Variants in METTL24 observed in about 807,000 individuals in gnomAD.
The protein encoded by METTL24 is probable methyltransferase-like protein 24.
Under a neutral mutation model 32.7 loss-of-function variants are expected in METTL24, and 29 were observed. That is an observed-to-expected ratio of 0.89 (90% confidence interval 0.66 to 1.21). The LOEUF (loss-of-function observed/expected upper bound fraction) is 1.21. METTL24 is among the 50% of genes most tolerant of loss of function. METTL24 has a pLI of 0.00. For missense variants in METTL24, 439 were observed against 468.1 expected (o/e 0.94, Z 0.57); for synonymous variants, 163 against 179.5 (o/e 0.91, Z 0.73).
At chr6:110,314,823 TG>T (rs1771788377) in intron 3 of METTL24, among the ~76,000 whole-genome samples, 1 of 151,634 alleles carries the variant, frequency 6.6e-6, no homozygotes, top group African/African-American at 2.4e-5. Flanking sequence ...ATTAGCCGGG[TG>T]TGGTGGGTGC....
chr6:110,273,182 T>G (rs928586485), intron 4 of METTL24, among the ~76,000 whole-genome samples: 5 of 152,306 alleles, frequency 3.3e-5, no homozygotes, highest in African/African-American at 1.2e-4. Flanking sequence ...CTTCCACATG[T>G]GGCTTGCCAG....
chr6:110,274,679 A>C (rs1229979921), intron 4 of METTL24, among the ~76,000 whole-genome samples: 1 of 152,090 alleles, frequency 6.6e-6, no homozygotes, highest in East Asian at 1.9e-4. Context: ...TTTAAGTTAA[A>C]AATAATTGGT....
At chr6:110,325,377 C>G (rs747728009) in intron 1 of METTL24, among the ~76,000 whole-genome samples, 22 of 152,210 alleles carry the variant, frequency 1.4e-4, no homozygotes, top group Non-Finnish European at 2.2e-4. Context: ...CAGCCATAGA[C>G]AGTAAGTAAA....
chr6:110,276,978 T>C (rs913836712), intron 4 of METTL24, among the ~76,000 whole-genome samples: 2 of 152,084 alleles, frequency 1.3e-5, no homozygotes, highest in African/African-American at 2.4e-5. Flanking sequence ...CCCAAATAGA[T>C]GGCACTTGGC....
chr6:110,302,806 T>G (rs976227633), intron 3 of METTL24, among the ~76,000 whole-genome samples: 2 of 152,198 alleles, frequency 1.3e-5, no homozygotes, highest in East Asian at 3.9e-4. Flanking sequence ...TGCTTATAAT[T>G]AAACAAATAC....
Position 110,358,181 on chromosome 6 carries a change from G to C in METTL24, c.92C>G (p.Ala31Gly). 2 of 1,414,388 alleles carry C rather than the reference G, an allele frequency of 1.4e-6. No individual in the cohort carries two copies. The highest frequency in any genetic ancestry group is 3.1e-5 in the East Asian group (1 of 31,882). The allele number at this position is 1,414,388 out of a possible 1,614,324, so 87.6% of individuals were successfully genotyped here. A position where few individuals can be genotyped will look rare whatever the true frequency, so the allele number is the denominator to read the frequency against. The change falls in exon 1 of 5, where the codon GCA (alanine) becomes GGA (glycine). Residue 31 changes from alanine to glycine, a missense_variant. Ala to Gly is a moderately conservative substitution (Grantham distance 60). Transcript: ENST00000338882. ...CCCGGGCCCGGCGCGCCGCAGCTCTGCGCAGAGCCGCAGGCCGAACAACAG... is the reference window on the plus strand; with the variant it reads ...CCCGGGCCCGGCGCGCCGCAGCTCTCCGCAGAGCCGCAGGCCGAACAACAG... Reference protein sequence around the residue: ...AVLLFGLRLCAELRRAGPGSP... With the variant: ...AVLLFGLRLCGELRRAGPGSP...
At chr6:110,353,427 C>T (rs1772648288) in intron 1 of METTL24, among the ~76,000 whole-genome samples, 1 of 152,090 alleles carries the variant, frequency 6.6e-6, no homozygotes, top group East Asian at 1.9e-4. Flanking sequence ...GCATCCCATA[C>T]CATTTTTCCT....
intron 4 of METTL24, among the ~76,000 whole-genome samples, chr6:110,255,193 C>T (rs1778359723): frequency 6.6e-6 from 1 of 152,094 alleles, no homozygotes; most frequent in Admixed American, 6.5e-5. Context: ...GTAATTAGCT[C>T]ACAAAAATGA....
At chr6:110,322,150 A>T (rs1362191022) in intron 2 of METTL24, among the ~76,000 whole-genome samples, 1 of 152,182 alleles carries the variant, frequency 6.6e-6, no homozygotes, top group Non-Finnish European at 1.5e-5. Context: ...GTCTTAATGG[A>T]CAGTCTCTTT....
chr6:110,274,076 A>G (rs1347279274), intron 4 of METTL24, among the ~76,000 whole-genome samples: 2 of 152,170 alleles, frequency 1.3e-5, no homozygotes, highest in African/African-American at 2.4e-5. Flanking sequence ...ATTCACAGCA[A>G]CCTGGATGGA....
At chr6:110,329,559 A>C (rs1772077409) in intron 1 of METTL24, among the ~76,000 whole-genome samples, 1 of 152,120 alleles carries the variant, frequency 6.6e-6, no homozygotes, top group East Asian at 1.9e-4. Context: ...TGGACAGAAC[A>C]TGACTCTAGC....
At chr6:110,353,000 G>T (rs139199471) in intron 1 of METTL24, among the ~76,000 whole-genome samples, 281 of 152,322 alleles carry the variant, frequency 1.8e-3, no homozygotes, top group Middle Eastern at 6.8e-3. Flanking sequence ...ACCACCAGTG[G>T]TTGAAAAACA....
At chr6:110,348,968 T>C (rs1772537741) in intron 1 of METTL24, among the ~76,000 whole-genome samples, 1 of 152,228 alleles carries the variant, frequency 6.6e-6, no homozygotes, top group South Asian at 2.1e-4. Context: ...CTTGTTTTAG[T>C]TCACTGTTCT....
intron 1 of METTL24, among the ~76,000 whole-genome samples, chr6:110,334,424 C>T (rs1292871801): frequency 2.0e-5 from 3 of 152,070 alleles, no homozygotes; most frequent in Non-Finnish European, 2.9e-5. Flanking sequence ...CACAGCCACC[C>T]CAAAGGCTGA....
chr6:110,266,971 A>G (rs2114705522), intron 4 of METTL24, among the ~76,000 whole-genome samples: 1 of 152,316 alleles, frequency 6.6e-6, no homozygotes. Flanking sequence ...CTGAAAAAAA[A>G]AGCTGTAAGT....
intron 3 of METTL24, among the ~76,000 whole-genome samples, chr6:110,302,697 A>G (rs1048863310): frequency 6.6e-6 from 1 of 151,804 alleles, no homozygotes; most frequent in Admixed American, 6.6e-5. Context: ...ATATATACAC[A>G]TATATGCCTC....
chr6:110,341,987 A>T (rs1772367923), intron 1 of METTL24, among the ~76,000 whole-genome samples: 1 of 152,208 alleles, frequency 6.6e-6, no homozygotes, highest in Non-Finnish European at 1.5e-5. Context: ...TGAGGTGACA[A>T]CAGTCATCTG....
intron 1 of METTL24, among the ~76,000 whole-genome samples, chr6:110,350,267 T>C (rs1007911253): frequency 6.6e-6 from 1 of 152,236 alleles, no homozygotes; most frequent in Non-Finnish European, 1.5e-5. Flanking sequence ...AGGTCTTCAG[T>C]GCTCATTTTA....
At chr6:110,354,225 T>C (rs1772663011) in intron 1 of METTL24, among the ~76,000 whole-genome samples, 1 of 152,232 alleles carries the variant, frequency 6.6e-6, no homozygotes, top group African/African-American at 2.4e-5. Flanking sequence ...AGTTCTTGCA[T>C]GGCTCCATGA....
Sources: gnomAD v4.1 joint callset for allele counts (sites outside exome capture counted in the v4.1 genomes callset) on GRCh38, gnomAD v4.1.1 for gene constraint, MANE v1.5 for transcripts, NCBI Gene and HGNC (gene_info 2026-07-23, HGNC 2026-07-21) for gene names.